The following ATP8A2 variants were observed in gnomAD, a reference collection of about 807,000 sequenced individuals.
ATP8A2 encodes the protein phospholipid-transporting ATPase IB.
Under a neutral mutation model 165.6 loss-of-function variants are expected in ATP8A2, and 100 were observed. That is an observed-to-expected ratio of 0.60 (90% CI 0.51 to 0.71). ATP8A2 has a LOEUF of 0.71. Among genes scored for constraint, ATP8A2 ranks in the 30% least tolerant of loss-of-function variants. The probability of loss-of-function intolerance (pLI) is 0.00; values close to 1 mark genes in which losing one functional copy is unlikely to be tolerated. For synonymous variants in ATP8A2, 543 were observed against 548.8 expected (o/e 0.99, Z 0.15); for missense variants, 1,227 against 1,479.5 (o/e 0.83, Z 2.80).
chr13:25,400,051 T>C (rs2033585801), intron 1 of ATP8A2, among the ~76,000 whole-genome samples: 1 of 152,156 alleles, frequency 6.6e-6, no homozygotes, highest in Non-Finnish European at 1.5e-5. Flanking sequence ...GCCTCCCAAG[T>C]AGCTGGGTCT....
At chr13:25,599,076 A>G (rs1158632491) in intron 24 of ATP8A2, among the ~76,000 whole-genome samples, 1 of 151,448 alleles carries the variant, frequency 6.6e-6, no homozygotes, top group African/African-American at 2.4e-5. Flanking sequence ...TTCTTTTTTC[A>G]TATATATGAG....
rs1020851810 is a variant in ATP8A2 at position 25,440,455 on chromosome 13, A to C, written c.77-28522A>C. 2.6e-5 allele frequency among the ~76,000 whole-genome samples: 4 copies of C among 152,268 alleles called. No homozygotes were observed. The South Asian group carries it at 8.3e-4, about 32-fold the overall frequency. On this transcript the variant is annotated intron_variant, in intron 1 of 36. Coordinates refer to ENST00000381655, the MANE Select transcript of ATP8A2 (RefSeq NM_016529.6). The stretch of plus-strand genomic sequence containing the variant: ...TGTACTCAAGAACTATGCCAGGTGA[A>C]CTAGAACAGGACGGTCGCAGGGCAT...
chr13:25,455,253 C>T (rs1225005288), intron 1 of ATP8A2, among the ~76,000 whole-genome samples: 2 of 152,178 alleles, frequency 1.3e-5, no homozygotes, highest in Non-Finnish European at 1.5e-5. Context: ...TGATTGTGGC[C>T]CTCCTTGCTG....
Position 25,553,892 on chromosome 13 carries a change from A to G in ATP8A2, c.1157A>G (p.Lys386Arg), listed in dbSNP as rs1354400385. 1 of 1,613,758 alleles carries G rather than the reference A, an allele frequency of 6.2e-7. No individual in the cohort carries two copies. The highest frequency in any genetic ancestry group is 2.2e-5 in the East Asian group (1 of 44,882). The change falls in exon 12 of 37, where the codon AAG becomes AGG. Residue 386 changes from lysine (K) to arginine (R), a missense_variant. This residue lies in a region of ATP8A2 where 592 missense variants were observed against 785.6 expected (regional missense o/e 0.75). Transcript: ENST00000381655. ...ISLLVTLEVV[K>R]YTQALFINWD... ...CTGTTGGTGACTCTTGAGGTTGTGA[A>G]GTATACTCAAGCCCTTTTCATAAAC...
At position 25,529,984 on chromosome 13, in the gene ATP8A2, T is replaced by C. The variant is rs1471965671; in HGVS notation, c.222-15T>C. 3.3e-6 allele frequency: 5 copies of C among 1,493,246 alleles called. No individual in the cohort carries two copies. The highest frequency in any genetic ancestry group is 3.7e-6 in the Non-Finnish European group (4 of 1,073,770). The allele number at this position is 1,493,246 out of a possible 1,614,324, so 92.5% of individuals were successfully genotyped here. On this transcript the variant is annotated splice_polypyrimidine_tract_variant and intron_variant, in intron 2 of 36. Transcript: ENST00000381655. The stretch of plus-strand genomic sequence containing the variant: ...CATCTATAACTGATAGTATTATTTT[T>C]CTTTGCACTTACAGTACGGCCAAGT...
intron 24 of ATP8A2, among the ~76,000 whole-genome samples, chr13:25,613,437 G>C (rs2040741254): frequency 6.6e-6 from 1 of 152,120 alleles, no homozygotes; most frequent in Non-Finnish European, 1.5e-5. Context: ...AGCTTGGTGT[G>C]GTGGTGTGCA....
At chr13:25,462,975 C>A (rs963510813) in intron 1 of ATP8A2, among the ~76,000 whole-genome samples, 2 of 152,152 alleles carry the variant, frequency 1.3e-5, no homozygotes, top group African/African-American at 4.8e-5. Context: ...GCGTAAGGAG[C>A]ACAGTTACAG....
At chr13:25,434,857 G>C (rs940843452) in intron 1 of ATP8A2, among the ~76,000 whole-genome samples, 1 of 152,184 alleles carries the variant, frequency 6.6e-6, no homozygotes, top group Non-Finnish European at 1.5e-5. Flanking sequence ...GCATGCACGT[G>C]TTCTATTGGT....
intron 16 of ATP8A2, among the ~76,000 whole-genome samples, chr13:25,564,460 G>A (rs1299954627): frequency 6.6e-6 from 1 of 152,124 alleles, no homozygotes; most frequent in African/African-American, 2.4e-5. Context: ...TGTGTGCCAG[G>A]CAACTAACAT....
In ATP8A2 at chr13:25,590,643, G is replaced by A. The variant is rs911786869; in HGVS notation, c.2211+944G>A. ...TCCACTTGTCAGAACTTTTAACAAG[G>A]GCTTTGTTACTGGCAGGCACCCATA... On this transcript the variant is annotated intron_variant, in intron 24 of 36. Transcript: ENST00000381655. Among the ~76,000 whole-genome samples, 7 of 152,050 alleles carry A rather than the reference G, an allele frequency of 4.6e-5. No individual in the cohort carries two copies. The East Asian group carries it at 1.4e-3, about 29-fold the overall frequency.
intron 28 of ATP8A2, 145 bp from the exon 29 acceptor site, chr13:25,837,018 G>A: frequency 1.0e-6 from 1 of 964,896 alleles, no homozygotes; most frequent in Admixed American, 2.5e-5. Context: ...TATTTCCTTT[G>A]TTTGGAGGGT....
intron 1 of ATP8A2, among the ~76,000 whole-genome samples, chr13:25,423,889 G>A (rs1325584220): frequency 6.6e-6 from 1 of 152,200 alleles, no homozygotes; most frequent in East Asian, 1.9e-4. Context: ...GCAATGAGGT[G>A]TGTACAAATA....
chr13:25,439,433 AG>A (rs562846344), intron 1 of ATP8A2, among the ~76,000 whole-genome samples: 93 of 152,344 alleles, frequency 6.1e-4, no homozygotes, highest in African/African-American at 2.2e-3. Context: ...ATGAAAAAAA[AG>A]TCTGTTATAT....
intron 1 of ATP8A2, among the ~76,000 whole-genome samples, chr13:25,374,782 G>A (rs1414728288): frequency 6.6e-6 from 1 of 152,098 alleles, no homozygotes; most frequent in East Asian, 1.9e-4. Context: ...GGCTCCTGGG[G>A]ACACTGATGG....
chr13:25,603,794 A>C (rs1265510000), intron 24 of ATP8A2, among the ~76,000 whole-genome samples: 1 of 152,178 alleles, frequency 6.6e-6, no homozygotes, highest in Non-Finnish European at 1.5e-5. Context: ...GAGAAGAGGA[A>C]GACCATAGGA....
chr13:25,896,043 C>T (rs1293152867), intron 33 of ATP8A2, among the ~76,000 whole-genome samples: 2 of 152,104 alleles, frequency 1.3e-5, no homozygotes, highest in Non-Finnish European at 2.9e-5. Context: ...TTCAGTTCTG[C>T]TCTGATCTTA....
chr13:25,884,292 G>A (rs1193223573), intron 33 of ATP8A2, among the ~76,000 whole-genome samples: 1 of 152,128 alleles, frequency 6.6e-6, no homozygotes, highest in East Asian at 1.9e-4. Context: ...GTCAGTCCTT[G>A]GGGATTGGGG....
chr13:25,986,855 T>C (rs1202172997), intron 35 of ATP8A2, among the ~76,000 whole-genome samples: 1 of 152,186 alleles, frequency 6.6e-6, no homozygotes, highest in Non-Finnish European at 1.5e-5. Flanking sequence ...GACCATTCTT[T>C]ACCTTAGAAA....
At chr13:26,005,532 AG>A (rs1375453561) in intron 35 of ATP8A2, among the ~76,000 whole-genome samples, 1 of 151,940 alleles carries the variant, frequency 6.6e-6, no homozygotes, top group African/African-American at 2.4e-5. Context: ...GTGTAACATT[AG>A]GTTGTTTATT....
Sources: allele counts gnomAD v4.1 joint callset (sites outside exome capture counted in the v4.1 genomes callset), GRCh38; gene constraint gnomAD v4.1.1; regional missense constraint gnomAD v4.1.1; transcripts MANE v1.5; gene names NCBI Gene and HGNC (gene_info 2026-07-23, HGNC 2026-07-21).